BACH2: variants seen among roughly 807,000 people sequenced by gnomAD.
The protein encoded by BACH2 is transcription regulator protein BACH2.
In BACH2, 5 loss-of-function variants were observed where a neutral mutation model predicts 61.8. That is an observed-to-expected ratio of 0.08 (90% CI 0.04 to 0.17). The LOEUF is 0.17. BACH2 is among the 10% of genes least tolerant of loss of function. BACH2 has a pLI of 1.00. For synonymous variants in BACH2, 446 were observed against 440.1 expected (o/e 1.01, Z -0.17); for missense variants, 824 against 1,091.1 (o/e 0.76, Z 3.45).
At chr6:90,087,458 A>G (rs1781981645) in intron 5 of BACH2, among the ~76,000 whole-genome samples, 1 of 152,218 alleles carries the variant, frequency 6.6e-6, no homozygotes, top group South Asian at 2.1e-4. Flanking sequence ...CAATGCATAT[A>G]TCTATTCACA....
At chr6:90,285,695 C>T (rs1771999693) in intron 1 of BACH2, among the ~76,000 whole-genome samples, 1 of 152,162 alleles carries the variant, frequency 6.6e-6, no homozygotes, top group Admixed American at 6.5e-5. Context: ...CAGCAGTGAC[C>T]ACAGATCTGA....
chr6:90,295,729 G>C (rs1772334673), intron 1 of BACH2, among the ~76,000 whole-genome samples: 1 of 152,010 alleles, frequency 6.6e-6, no homozygotes, highest in Non-Finnish European at 1.5e-5. Flanking sequence ...GAGGTGCAAG[G>C]TTTCCCTCTC....
At position 89,950,534 on chromosome 6, in the gene BACH2, AGAGCAG is replaced by A. The variant is rs1398825963; in HGVS notation, c.1566_1571del (p.Cys523_Ser524del). On this transcript the variant is annotated inframe_deletion, in exon 7 of 9. Transcript: ENST00000257749. This position sits in a 1 kb window ranked among gnomAD's most constrained non-coding sequence, Gnocchi z 5.3. ...TCCCGTCCTCCGCGTAGGAATAGGA[AGAGCAG>A]GAGCTGGAAGTCCTGGTCCTGGTCT... 1 of 1,612,160 alleles carries A rather than the reference AGAGCAG, an allele frequency of 6.2e-7. No individual in the cohort carries two copies. Among genetic ancestry groups the A allele is most frequent in the African/African-American group, 1.3e-5 (1 of 74,824 alleles).
intron 4 of BACH2, among the ~76,000 whole-genome samples, chr6:90,116,230 A>G (rs1783390866): frequency 6.6e-6 from 1 of 152,212 alleles, no homozygotes; most frequent in Non-Finnish European, 1.5e-5. Flanking sequence ...TAGCAAAGAC[A>G]TGGAATCAAC....
intron 5 of BACH2, among the ~76,000 whole-genome samples, chr6:90,086,460 C>A (rs189371798): frequency 6.6e-6 from 1 of 152,114 alleles, no homozygotes; most frequent in East Asian, 1.9e-4. Flanking sequence ...TCATAAAGAG[C>A]AGTTTTAGGT....
chr6:90,183,275 A>C (rs999618831), intron 4 of BACH2, among the ~76,000 whole-genome samples: 83 of 152,238 alleles, frequency 5.5e-4, no homozygotes, highest in African/African-American at 1.8e-3. Context: ...GCAGAAAGCA[A>C]ATCAATCAAC....
At chr6:89,987,200 A>T (rs1776290851) in intron 6 of BACH2, among the ~76,000 whole-genome samples, 1 of 152,182 alleles carries the variant, frequency 6.6e-6, no homozygotes, top group Admixed American at 6.5e-5. Context: ...TATCAGGATT[A>T]AAAAAATCAA....
At chr6:90,058,527 T>C (rs1387733538) in intron 5 of BACH2, among the ~76,000 whole-genome samples, 3 of 152,180 alleles carry the variant, frequency 2.0e-5, no homozygotes, top group African/African-American at 7.2e-5. Context: ...AGAATCAATA[T>C]TGTGAAAATG....
intron 5 of BACH2, among the ~76,000 whole-genome samples, chr6:90,056,772 C>A (rs1780378491): frequency 6.6e-6 from 1 of 152,206 alleles, no homozygotes; most frequent in Non-Finnish European, 1.5e-5. Context: ...AACAAACTGT[C>A]TCTCAGACCA....
At chr6:90,162,017 T>G (rs986735366) in intron 4 of BACH2, among the ~76,000 whole-genome samples, 37 of 152,006 alleles carry the variant, frequency 2.4e-4, no homozygotes, top group African/African-American at 8.9e-4. Context: ...CAGAGAAGCT[T>G]CTCTGAGCCC....
At chr6:90,254,550 C>T (rs1397308847) in intron 2 of BACH2, among the ~76,000 whole-genome samples, 2 of 151,780 alleles carry the variant, frequency 1.3e-5, no homozygotes, top group Non-Finnish European at 2.9e-5. Context: ...GAATCACACA[C>T]AATATGTTTG....
In BACH2 at chr6:89,967,917, C is replaced by G. The variant is rs117988950; in HGVS notation, c.244-16055G>C. ...CTTCTGACATGGACTATGTTTCAAG[C>G]AGCAACTCCCTGGTTTAGAAAGCAA... On this transcript the variant is annotated intron_variant, in intron 6 of 8. Coordinates refer to ENST00000257749, the MANE Select transcript of BACH2 (RefSeq NM_021813.4). 8.8e-3 allele frequency among the ~76,000 whole-genome samples: 1,342 copies of G among 152,310 alleles called. 11 individuals carry two copies. Among genetic ancestry groups the G allele is most frequent in the Non-Finnish European group, 0.014 (981 of 68,020 alleles).
intron 1 of BACH2, among the ~76,000 whole-genome samples, chr6:90,281,428 T>C (rs1312781839): frequency 6.6e-6 from 1 of 152,174 alleles, no homozygotes; most frequent in Non-Finnish European, 1.5e-5. Flanking sequence ...AAGAATATCC[T>C]TGGGACCACT....
intron 1 of BACH2, among the ~76,000 whole-genome samples, chr6:90,274,050 A>T (rs1771614609): frequency 6.6e-6 from 1 of 152,250 alleles, no homozygotes; most frequent in Non-Finnish European, 1.5e-5. Flanking sequence ...TAATATGCAG[A>T]GATTAAACAG....
At chr6:90,114,223 C>T (rs11753088) in intron 4 of BACH2, among the ~76,000 whole-genome samples, 119 of 152,076 alleles carry the variant, frequency 7.8e-4, no homozygotes, top group Non-Finnish European at 1.4e-3. Context: ...AAAAAGAAAA[C>T]GTCAGGCCAA....
chr6:89,992,808 C>A (rs1289391232), intron 6 of BACH2, among the ~76,000 whole-genome samples: 1 of 152,188 alleles, frequency 6.6e-6, no homozygotes, highest in Non-Finnish European at 1.5e-5. Context: ...CTGCACGAAT[C>A]TACTATTTTT....
At chr6:90,151,637 A>G (rs1784815331) in intron 4 of BACH2, among the ~76,000 whole-genome samples, 1 of 152,188 alleles carries the variant, frequency 6.6e-6, no homozygotes, top group Admixed American at 6.5e-5. Flanking sequence ...TCCTGCCATA[A>G]GACAGTAAGA....
At chr6:90,201,115 G>T (rs760122515) in intron 4 of BACH2, among the ~76,000 whole-genome samples, 16 of 152,006 alleles carry the variant, frequency 1.1e-4, no homozygotes, top group Non-Finnish European at 2.2e-4. Context: ...CTGTACTATG[G>T]TTATTCAAAA....
At chr6:90,092,804 A>T (rs1178261785) in intron 4 of BACH2, among the ~76,000 whole-genome samples, 1 of 152,198 alleles carries the variant, frequency 6.6e-6, no homozygotes, top group African/African-American at 2.4e-5. Context: ...TGATTTCTTC[A>T]GTAAAACAAG....
Sources: gnomAD v4.1 joint callset for allele counts (sites outside exome capture counted in the v4.1 genomes callset) on GRCh38, gnomAD v4.1.1 for gene constraint, Gnocchi (gnomAD v3.1) non-coding constraint, MANE v1.5 for transcripts, NCBI Gene and HGNC (gene_info 2026-07-23, HGNC 2026-07-21) for gene names.